The following SIK3 variants were observed in gnomAD, a reference collection of about 807,000 sequenced individuals.
SIK3 encodes serine/threonine-protein kinase SIK3.
A neutral mutation model predicts 144.2 loss-of-function variants in SIK3; 28 were observed. The ratio of observed to expected loss-of-function variants is 0.19; its 90% CI spans 0.14 to 0.27. The LOEUF (loss-of-function observed/expected upper bound fraction) is 0.27. Ranked by LOEUF, SIK3 falls within the 10% of genes least tolerant of loss-of-function variation. The pLI is 1.00. For missense variants in SIK3, 1,319 were observed against 1,776.0 expected (o/e 0.74, Z 4.62); for synonymous variants, 686 against 676.3 (o/e 1.01, Z -0.22).
rs558259999 is a variant in SIK3 at position 116,848,894 on chromosome 11, T to C, written c.3819+226A>G. Among the ~76,000 whole-genome samples, 35 of 151,754 alleles carry C rather than the reference T, an allele frequency of 2.3e-4. 1 individual carries two copies. The East Asian group carries it at 2.3e-3, about 10-fold the overall frequency. On this transcript the variant is annotated intron_variant, in intron 22 of 24. Coordinates refer to ENST00000445177, the MANE Select transcript of SIK3 (RefSeq NM_001366686.3). ...ACAAAAGTCACTTGAACTGGGGAGG[T>C]AGAAGTTGCAGTGAGCTGATATCGC...
rs909645349 is a variant in SIK3, at chr11:116,845,253, G to A, written c.*390C>T. On this transcript the variant is annotated 3_prime_UTR_variant, in exon 25 of 25. Coordinates refer to ENST00000445177, the MANE Select transcript of SIK3 (RefSeq NM_001366686.3). ...TGAACTCTAACTGCTTTGCTCTCCT[G>A]TTTCAAAAAAGGAACGAAAGAAAAA... The A allele has an allele frequency of 5.3e-5, 8 of 150,388 alleles. No homozygotes were observed. Among genetic ancestry groups the A allele is most frequent in the African/African-American group, 1.7e-4 (7 of 40,478 alleles). The allele number at this position is 150,388 out of a possible 1,614,324, so 9.3% of individuals were successfully genotyped here. A position where few individuals can be genotyped will look rare whatever the true frequency, so the allele number is the denominator to read the frequency against.
chr11:116,874,080 G>A, intron 11 of SIK3, 24 bp from the exon 12 acceptor site: 1 of 1,612,342 alleles, frequency 6.2e-7, no homozygotes, highest in Non-Finnish European at 8.5e-7. Context: ...GAATGACAGA[G>A]AAGTTTAGTT....
chr11:116,923,562 G>C (rs769255190), intron 4 of SIK3, among the ~76,000 whole-genome samples: 1 of 152,196 alleles, frequency 6.6e-6, no homozygotes, highest in Non-Finnish European at 1.5e-5. Context: ...AGGAGGTTCA[G>C]GCAATGACTG....
At chr11:116,938,604 A>G (rs1385845616) in intron 3 of SIK3, among the ~76,000 whole-genome samples, 4 of 34,646 alleles carry the variant, frequency 1.2e-4, no homozygotes, top group African/African-American at 2.0e-4. Context: ...AGGGGAGGAG[A>G]GGAGAGGAGA....
In SIK3 at chr11:116,983,655, C is replaced by T. The variant is rs11606344; in HGVS notation, c.274-26591G>A. Among the ~76,000 whole-genome samples the T allele has an allele frequency of 8.6e-3, 1,306 of 152,132 alleles. 15 individuals carry two copies. Among genetic ancestry groups the T allele is most frequent in the African/African-American group, 0.027 (1,115 of 41,496 alleles). On this transcript the variant is annotated intron_variant, in intron 1 of 24. Transcript: ENST00000445177. ...TAACATACTTCCTATAAAGCAAATC[C>T]GAGGGAATTTAAACTTATTAGAGGT...
At chr11:117,079,457 C>A (rs899558040) in intron 1 of SIK3, among the ~76,000 whole-genome samples, 1 of 152,094 alleles carries the variant, frequency 6.6e-6, no homozygotes, top group African/African-American at 2.4e-5. Context: ...AAGCATTGTG[C>A]TAGACACTGA....
chr11:116,943,815 CCT>C (rs1169507499), intron 3 of SIK3, among the ~76,000 whole-genome samples: 3 of 151,944 alleles, frequency 2.0e-5, no homozygotes, highest in African/African-American at 7.3e-5. Flanking sequence ...TAAACTTCCC[CCT>C]CTCTTATCTT....
intron 3 of SIK3, among the ~76,000 whole-genome samples, chr11:116,944,623 G>T (rs1304117079): frequency 6.6e-6 from 1 of 152,196 alleles, no homozygotes; most frequent in East Asian, 1.9e-4. Context: ...GACAACAAAA[G>T]TTCTGCATTT....
intron 1 of SIK3, among the ~76,000 whole-genome samples, chr11:117,039,458 C>T (rs938774634): frequency 1.1e-4 from 16 of 152,130 alleles, no homozygotes; most frequent in Non-Finnish European, 2.1e-4. Context: ...CAGTTCATGA[C>T]AGACTTGTTA....
At chr11:116,983,541 G>A (rs148791192) in intron 1 of SIK3, among the ~76,000 whole-genome samples, 128 of 151,728 alleles carry the variant, frequency 8.4e-4, no homozygotes, top group African/African-American at 2.6e-3. Flanking sequence ...AAAAAAAATT[G>A]GTCAATAATT....
At chr11:117,051,530 CTTGTTTT>C (rs923452045) in intron 1 of SIK3, among the ~76,000 whole-genome samples, 3 of 150,900 alleles carry the variant, frequency 2.0e-5, no homozygotes, top group African/African-American at 2.4e-5. Flanking sequence ...GGTTTTTTTC[CTTGTTTT>C]TTGTTTTTTG....
In SIK3 at chr11:116,844,575, G is replaced by C. The variant is rs1383216564; in HGVS notation, c.*1068C>G. The stretch of plus-strand genomic sequence containing the variant: ...TCCCTGTGACAAAGAGGCTGAAAGA[G>C]GAGAGCATATATATATATATTTTAT... On this transcript the variant is annotated 3_prime_UTR_variant, in exon 25 of 25. Transcript: ENST00000445177. 7.8e-6 allele frequency: 1 copy of C among 128,478 alleles called. No individual in the cohort carries two copies. 8.0% of individuals were successfully genotyped at this position (128,478 alleles called of 1,614,324 possible). A position where few individuals can be genotyped will look rare whatever the true frequency, so the allele number is the denominator to read the frequency against.
At chr11:116,856,920 A>C (rs1391582323) in intron 21 of SIK3, 2 of 152,208 alleles carry the variant, frequency 1.3e-5, no homozygotes, top group Non-Finnish European at 1.5e-5. Flanking sequence ...AGGGTTGTAC[A>C]GTTTACAGAT....
At chr11:116,901,886 T>C (rs187567166) in intron 4 of SIK3, among the ~76,000 whole-genome samples, 10 of 152,354 alleles carry the variant, frequency 6.6e-5, no homozygotes, top group Admixed American at 5.2e-4. Flanking sequence ...AAGATTTTTT[T>C]CTTAGGAGAG....
chr11:116,863,581 G>A (rs1943467168), intron 16 of SIK3, 87 bp downstream of exon 16: 2 of 1,571,114 alleles, frequency 1.3e-6, no homozygotes, highest in East Asian at 4.5e-5. Flanking sequence ...TGACATAAAA[G>A]GGGTACGTTT....
Position 117,049,909 on chromosome 11 carries a change from A to G in SIK3, c.273+48234T>C, listed in dbSNP as rs149698178. Reference sequence around the variant, plus strand: ...CCAGAGTTCAAGTTTATAGTGAGCTAGCATCACAGCACTGCACTCCAGCCT... The same window carrying G: ...CCAGAGTTCAAGTTTATAGTGAGCTGGCATCACAGCACTGCACTCCAGCCT... On this transcript the variant is annotated intron_variant, in intron 1 of 24. Transcript: ENST00000445177. 1.6e-3 allele frequency among the ~76,000 whole-genome samples: 250 copies of G among 152,168 alleles called. 2 individuals are homozygous for G. The highest frequency in any genetic ancestry group is 5.6e-3 in the African/African-American group (232 of 41,524).
At chr11:116,947,512 T>G in intron 3 of SIK3, among the ~76,000 whole-genome samples, 1 of 140,540 alleles carries the variant, frequency 7.1e-6, no homozygotes. Flanking sequence ...TTACTTTAGC[T>G]AGGGAAATAT....
In SIK3 at chr11:116,848,334, A is replaced by G. The variant is rs180702111; in HGVS notation, c.3820-726T>C. 6.2e-3 allele frequency among the ~76,000 whole-genome samples: 940 copies of G among 152,148 alleles called. 6 individuals are homozygous for G. Among genetic ancestry groups the G allele is most frequent in the African/African-American group, 0.021 (856 of 41,440 alleles). On this transcript the variant is annotated intron_variant, in intron 22 of 24. Transcript: ENST00000445177. The stretch of plus-strand genomic sequence containing the variant: ...TGCACTCCAACCTGGGTGACAGAGC[A>G]AGACTCTGTCTCAAAAAATAATAAT...
At chr11:116,869,455 G>A (rs912666301) in intron 14 of SIK3, 1 of 152,204 alleles carries the variant, frequency 6.6e-6, no homozygotes, top group Non-Finnish European at 1.5e-5. Flanking sequence ...AGTGTTATGT[G>A]AACTTGCCAA....
Sources: allele counts gnomAD v4.1 joint callset (sites outside exome capture counted in the v4.1 genomes callset), GRCh38; gene constraint gnomAD v4.1.1; transcripts MANE v1.5; gene names NCBI Gene and HGNC (gene_info 2026-07-23, HGNC 2026-07-21).